The following GPLD1 variants were observed in gnomAD, a reference collection of about 807,000 sequenced individuals.
GPLD1 encodes glycosylphosphatidylinositol specific phospholipase D1.
In GPLD1, 84 loss-of-function variants were observed where a neutral mutation model predicts 112.6. The observed-to-expected ratio is 0.75, with a 90% CI of 0.63 to 0.89. The LOEUF is 0.89. Ranked by LOEUF, GPLD1 falls within the 40% of genes least tolerant of loss-of-function variation. The pLI, the probability that GPLD1 is intolerant of heterozygous loss-of-function variation, is 0.00. For missense variants in GPLD1, 1,044 were observed against 1,051.5 expected (o/e 0.99, Z 0.10); for synonymous variants, 386 against 403.8 (o/e 0.96, Z 0.53).
Position 24,425,881 on chromosome 6 carries a change from T to C in GPLD1, c.*3151A>G, listed in dbSNP as rs372824764. ...TTGGTGAGTTATTCCAAGAGTTGTATACAGCTTTATTTTTTGGAATTGCAA... is the reference window on the plus strand; with the variant it reads ...TTGGTGAGTTATTCCAAGAGTTGTACACAGCTTTATTTTTTGGAATTGCAA... On this transcript the variant is annotated 3_prime_UTR_variant, in exon 25 of 25. Transcript: ENST00000230036. 27 of 152,258 alleles carry C rather than the reference T, an allele frequency of 1.8e-4. No individual in the cohort carries two copies. The highest frequency in any genetic ancestry group is 4.8e-4 in the African/African-American group (20 of 41,470). 9.4% of individuals were successfully genotyped at this position (152,258 alleles called of 1,614,324 possible).
chr6:24,429,152 T>A, intron 24 of GPLD1, 34 bp from the exon 25 acceptor site: 1 of 1,358,878 alleles, frequency 7.4e-7, no homozygotes, highest in South Asian at 1.2e-5. Context: ...TCATGGCTCA[T>A]TCATAACATC....
chr6:24,489,547 G>T lies in GPLD1; in HGVS notation c.-36C>A. Reference sequence around the variant, plus strand: ...CCCACCGGCTTCTCTGGTGACGTGGGAATGCTCAGAGCTGCAGCAGCACTG... The same window carrying T: ...CCCACCGGCTTCTCTGGTGACGTGGTAATGCTCAGAGCTGCAGCAGCACTG... On this transcript the variant is annotated 5_prime_UTR_variant, in exon 1 of 25. Coordinates refer to ENST00000230036, the MANE Select transcript of GPLD1 (RefSeq NM_001503.4). 1 of 1,613,264 alleles carries T rather than the reference G, an allele frequency of 6.2e-7. No individual in the cohort carries two copies. The highest frequency in any genetic ancestry group is 8.5e-7 in the Non-Finnish European group (1 of 1,179,554).
intron 7 of GPLD1, among the ~76,000 whole-genome samples, chr6:24,471,427 T>G (rs1763818293): frequency 6.6e-6 from 1 of 151,744 alleles, no homozygotes; most frequent in African/African-American, 2.4e-5. Flanking sequence ...CACACACCAC[T>G]GCACTCCAGC....
chr6:24,470,228 T>G (rs113766588), intron 7 of GPLD1, among the ~76,000 whole-genome samples: 2 of 151,934 alleles, frequency 1.3e-5, no homozygotes, highest in African/African-American at 4.8e-5. Context: ...TTGAGCCTAC[T>G]TATTCTAGCA....
rs189525357 is a variant in GPLD1 at position 24,453,494 on chromosome 6, G to C, written c.1335+521C>G. ...CTACTAAAAATAAAAAAATTAGCCG[G>C]GCCTGGTGGTGTGCACCTGTAGTAC... On this transcript the variant is annotated intron_variant, in intron 14 of 24. Coordinates refer to ENST00000230036, the MANE Select transcript of GPLD1 (RefSeq NM_001503.4). Among the ~76,000 whole-genome samples, 706 of 152,162 alleles carry C rather than the reference G, an allele frequency of 4.6e-3. 3 individuals are homozygous for C. Among genetic ancestry groups the C allele is most frequent in the Non-Finnish European group, 7.5e-3 (509 of 68,024 alleles).
chr6:24,453,013 AC>A (rs1763142417), intron 14 of GPLD1, among the ~76,000 whole-genome samples: 1 of 150,754 alleles, frequency 6.6e-6, no homozygotes, highest in Non-Finnish European at 1.5e-5. Context: ...CCACCCCCCC[AC>A]GCTCCTCCTT....
intron 6 of GPLD1, 121 bp from the exon 7 acceptor site, chr6:24,472,757 C>A (rs1581775591): frequency 1.5e-6 from 1 of 647,830 alleles, no homozygotes; most frequent in East Asian, 2.8e-5. Context: ...TGTTTTTGTT[C>A]ATTGTTTTAG....
chr6:24,466,540 T>C, intron 10 of GPLD1, 140 bp downstream of exon 10: 2 of 651,412 alleles, frequency 3.1e-6, no homozygotes, highest in Non-Finnish European at 5.2e-6. Context: ...TCTTTCCCTC[T>C]TTGAATAGGT....
chr6:24,426,415 T>C lies in GPLD1; in HGVS notation c.*2617A>G, dbSNP rs1257789300. Among the ~76,000 whole-genome samples, 1 of 152,154 alleles carries C rather than the reference T, an allele frequency of 6.6e-6. No homozygotes were observed. Among genetic ancestry groups the C allele is most frequent in the Non-Finnish European group, 1.5e-5 (1 of 68,030 alleles). ...TGCCATATCAGTTGACCTTTTACAG[T>C]AGGAGTATAATTTACATTGTTTTTG... On this transcript the variant is annotated 3_prime_UTR_variant, in exon 25 of 25. Coordinates refer to ENST00000230036, the MANE Select transcript of GPLD1 (RefSeq NM_001503.4).
At position 24,460,264 on chromosome 6, in the gene GPLD1, G is replaced by A. The variant is rs375838328; in HGVS notation, c.1008+15C>T. 1.2e-6 allele frequency: 2 copies of A among 1,613,480 alleles called. No individual in the cohort carries two copies. Among genetic ancestry groups the A allele is most frequent in the African/African-American group, 1.3e-5 (1 of 74,994 alleles). On this transcript the variant is annotated intron_variant, in intron 12 of 24. Transcript: ENST00000230036. ...CAGCATTCCTCTTTCTCAACTTAGA[G>A]CAGAAAATTCTTACCGGGGTCCAGG... is the stretch of plus-strand genomic sequence containing the variant.
chr6:24,435,421 C>T (rs1261498436), intron 22 of GPLD1, among the ~76,000 whole-genome samples: 2 of 152,050 alleles, frequency 1.3e-5, no homozygotes, highest in Non-Finnish European at 2.9e-5. Context: ...TAGCAGGATC[C>T]GCTCTAAAGG....
intron 10 of GPLD1, among the ~76,000 whole-genome samples, chr6:24,463,769 C>T (rs1417776196): frequency 6.6e-6 from 1 of 152,154 alleles, no homozygotes. Flanking sequence ...TTACTATGAA[C>T]ATATTTATGT....
intron 10 of GPLD1, among the ~76,000 whole-genome samples, chr6:24,463,244 T>C (rs776834799): frequency 6.6e-6 from 1 of 152,190 alleles, no homozygotes; most frequent in Non-Finnish European, 1.5e-5. Context: ...GATCCCCTTT[T>C]ACAAGTGAAA....
chr6:24,458,401 A>G (rs1763332545), intron 12 of GPLD1, among the ~76,000 whole-genome samples: 1 of 152,188 alleles, frequency 6.6e-6, no homozygotes. Context: ...TATGCCAGGT[A>G]CCACAGCAGA....
intron 5 of GPLD1, among the ~76,000 whole-genome samples, chr6:24,474,291 C>A (rs1477990081): frequency 6.6e-6 from 1 of 151,882 alleles, no homozygotes; most frequent in African/African-American, 2.4e-5. Context: ...ATATAAAAAT[C>A]TCTGAGTTGA....
chr6:24,475,382 A>AC (rs1763975302), intron 4 of GPLD1, 151 bp from the exon 5 acceptor site: 1 of 612,652 alleles, frequency 1.6e-6, no homozygotes, highest in Non-Finnish European at 2.9e-6. Context: ...GTTATTAAAA[A>AC]CCACATAAGA....
At chr6:24,442,004 GTA>G (rs1206735662) in intron 20 of GPLD1, among the ~76,000 whole-genome samples, 10 of 147,080 alleles carry the variant, frequency 6.8e-5, no homozygotes, top group African/African-American at 2.5e-4. Flanking sequence ...ACACATACAT[GTA>G]TATATAATAT....
intron 14 of GPLD1, among the ~76,000 whole-genome samples, chr6:24,453,073 G>A (rs987207092): frequency 6.6e-6 from 1 of 151,934 alleles, no homozygotes; most frequent in Non-Finnish European, 1.5e-5. Flanking sequence ...AACTTTCCAG[G>A]ACCCTAGCGC....
At chr6:24,475,533 C>CT (rs1334115071) in intron 4 of GPLD1, among the ~76,000 whole-genome samples, 1 of 124,606 alleles carries the variant, frequency 8.0e-6, no homozygotes, top group Non-Finnish European at 1.7e-5. Context: ...GAGCAAGACT[C>CT]TGTCTCAAAA....
Sources: allele counts gnomAD v4.1 joint callset (sites outside exome capture counted in the v4.1 genomes callset), GRCh38; gene constraint gnomAD v4.1.1; transcripts MANE v1.5; gene names NCBI Gene and HGNC (gene_info 2026-07-23, HGNC 2026-07-21).